Variants in NAALADL2 observed in about 807,000 individuals in gnomAD.
NAALADL2 encodes inactive N-acetylated-alpha-linked acidic dipeptidase-like protein 2.
Under a neutral mutation model 87.2 loss-of-function variants are expected in NAALADL2, and 76 were observed. That is an observed-to-expected ratio of 0.87 (90% CI 0.72 to 1.05). NAALADL2 has a LOEUF of 1.05. Ranked by LOEUF, NAALADL2 falls within the 50% of genes least tolerant of loss-of-function variation. The pLI is 0.00. For missense variants in NAALADL2, 1,089 were observed against 945.8 expected, an observed-to-expected ratio of 1.15 and a Z score of -1.99; for synonymous variants, 354 against 331.0, an observed-to-expected ratio of 1.07 and a Z score of -0.75.
chr3:175,803,421 T>C lies in NAALADL2; in HGVS notation c.*218T>C, dbSNP rs1754427389. On this transcript the variant is annotated 3_prime_UTR_variant, in exon 14 of 14. Transcript: ENST00000454872. The stretch of plus-strand genomic sequence containing the variant: ...TACATTTCTGAATATGTAAAGCAAG[T>C]TATTGAAATAGGACTTAAGAATTAC... 4 of 349,986 alleles carry C rather than the reference T, an allele frequency of 1.1e-5. No homozygotes were observed. The South Asian group carries it at 2.9e-4, about 25-fold the overall frequency. 21.7% of individuals were successfully genotyped at this position (349,986 alleles called of 1,614,324 possible). A position where few individuals can be genotyped will look rare whatever the true frequency, so the allele number is the denominator to read the frequency against.
At chr3:174,991,102 A>G (rs1406123561) in intron 1 of NAALADL2, among the ~76,000 whole-genome samples, 9 of 152,128 alleles carry the variant, frequency 5.9e-5, no homozygotes, top group South Asian at 2.1e-4. Flanking sequence ...AAAAACCTTG[A>G]TATTTAGCTT....
chr3:175,341,733 T>G (rs1762586660), intron 5 of NAALADL2, among the ~76,000 whole-genome samples: 2 of 152,170 alleles, frequency 1.3e-5, no homozygotes, highest in South Asian at 4.1e-4. Flanking sequence ...TGACCCATTG[T>G]GATTTTTATT....
intron 1 of NAALADL2, among the ~76,000 whole-genome samples, chr3:175,008,980 T>A (rs575048519): frequency 5.6e-4 from 86 of 152,302 alleles, no homozygotes; most frequent in African/African-American, 1.7e-3. Flanking sequence ...CAAATCTAAA[T>A]GTAACATTTT....
chr3:175,679,467 A>AT (rs1735297518), intron 11 of NAALADL2, among the ~76,000 whole-genome samples: 1 of 152,090 alleles, frequency 6.6e-6, no homozygotes, highest in Admixed American at 6.5e-5. Flanking sequence ...ATAAAATGTG[A>AT]TTTTTATCAT....
intron 11 of NAALADL2, among the ~76,000 whole-genome samples, chr3:175,663,879 A>T (rs1732611008): frequency 6.6e-6 from 1 of 151,960 alleles, no homozygotes; most frequent in Non-Finnish European, 1.5e-5. Flanking sequence ...TTTTTGACCT[A>T]GATATTGGGT....
chr3:175,449,436 C>T (rs1373726546), intron 6 of NAALADL2, among the ~76,000 whole-genome samples: 1 of 142,788 alleles, frequency 7.0e-6, no homozygotes, highest in African/African-American at 2.6e-5. Flanking sequence ...CGCTCTGTCT[C>T]CCAGACTGCA....
chr3:175,104,984 GC>G (rs1722846416), intron 2 of NAALADL2, among the ~76,000 whole-genome samples: 1 of 152,112 alleles, frequency 6.6e-6, no homozygotes. Flanking sequence ...CCAAGCTTAT[GC>G]CCCTCGCAAT....
intron 5 of NAALADL2, among the ~76,000 whole-genome samples, chr3:175,425,277 T>C (rs1159200662): frequency 6.6e-6 from 1 of 152,118 alleles, no homozygotes; most frequent in Non-Finnish European, 1.5e-5. Context: ...GAGGTATATG[T>C]GTAAAAGTGA....
chr3:174,925,277 C>G (rs1735831888), intron 1 of NAALADL2, among the ~76,000 whole-genome samples: 1 of 152,162 alleles, frequency 6.6e-6, no homozygotes, highest in African/African-American at 2.4e-5. Flanking sequence ...CCAGTTTCAG[C>G]TTTCTACATA....
chr3:175,476,574 A>G (rs543214719), intron 9 of NAALADL2, among the ~76,000 whole-genome samples: 1 of 152,182 alleles, frequency 6.6e-6, no homozygotes, highest in Non-Finnish European at 1.5e-5. Context: ...TAAAAAACAA[A>G]CAAACAAAAA....
chr3:175,617,416 C>A (rs950307130), intron 10 of NAALADL2, among the ~76,000 whole-genome samples: 2 of 152,122 alleles, frequency 1.3e-5, no homozygotes, highest in African/African-American at 4.8e-5. Context: ...AACAGTCCAC[C>A]CTCCAGTTGT....
At chr3:175,644,099 A>G (rs991433840) in intron 11 of NAALADL2, among the ~76,000 whole-genome samples, 1 of 151,946 alleles carries the variant, frequency 6.6e-6, no homozygotes, top group Admixed American at 6.6e-5. Context: ...GGATGTTTGT[A>G]TGTTTTCTAA....
intron 1 of NAALADL2, among the ~76,000 whole-genome samples, chr3:174,442,046 A>G (rs1217958094): frequency 1.3e-5 from 2 of 151,970 alleles, no homozygotes; most frequent in African/African-American, 4.8e-5. Flanking sequence ...GACAAACATT[A>G]AAAATTATGT....
chr3:175,801,914 CTTA>C (rs1754200802), intron 13 of NAALADL2, among the ~76,000 whole-genome samples: 1 of 152,072 alleles, frequency 6.6e-6, no homozygotes. Context: ...AGGGCACTAT[CTTA>C]TTATGCATTC....
chr3:174,994,344 T>C (rs1414819046), intron 1 of NAALADL2, among the ~76,000 whole-genome samples: 1 of 152,188 alleles, frequency 6.6e-6, no homozygotes. Context: ...GTCCTGGGCA[T>C]AAAACCAGAA....
At chr3:174,972,457 T>C (rs1743818603) in intron 1 of NAALADL2, among the ~76,000 whole-genome samples, 1 of 152,170 alleles carries the variant, frequency 6.6e-6, no homozygotes. Context: ...GATGACCACC[T>C]TCTCTCTGCG....
chr3:175,089,841 A>G (rs9823741), intron 1 of NAALADL2, among the ~76,000 whole-genome samples: 18,440 of 152,176 alleles, frequency 0.12, 1,282 homozygotes, highest in Middle Eastern at 0.19. Context: ...TGCTGATGGA[A>G]CTCAAGAAGA....
At chr3:175,556,172 A>G (rs1715230854) in intron 9 of NAALADL2, among the ~76,000 whole-genome samples, 1 of 152,150 alleles carries the variant, frequency 6.6e-6, no homozygotes, top group Admixed American at 6.5e-5. Flanking sequence ...GCACACATTC[A>G]CTAAGAAAAT....
intron 5 of NAALADL2, among the ~76,000 whole-genome samples, chr3:175,394,096 C>T (rs374571930): frequency 4.6e-5 from 7 of 152,060 alleles, no homozygotes; most frequent in African/African-American, 1.4e-4. Context: ...AGCCAATATA[C>T]TCTTTGCTAT....
Sources: allele counts gnomAD v4.1 joint callset (sites outside exome capture counted in the v4.1 genomes callset), GRCh38; gene constraint gnomAD v4.1.1; transcripts MANE v1.5; gene names NCBI Gene and HGNC (gene_info 2026-07-23, HGNC 2026-07-21).